SLC6A4: variants seen among roughly 807,000 people sequenced by gnomAD.
The protein encoded by SLC6A4 is sodium-dependent serotonin transporter.
In SLC6A4, 22 loss-of-function variants were observed where a neutral mutation model predicts 73.4. The ratio of observed to expected loss-of-function variants is 0.30; its 90% CI spans 0.21 to 0.43. The LOEUF is 0.43. Ranked by LOEUF, SLC6A4 falls within the 20% of genes least tolerant of loss-of-function variation. SLC6A4 has a pLI of 1.00. For synonymous variants in SLC6A4, 270 were observed against 315.5 expected (o/e 0.86, Z 1.53); for missense variants, 593 against 808.5 (o/e 0.73, Z 3.23).
chr17:30,200,250 G>A (rs542365174), intron 14 of SLC6A4, among the ~76,000 whole-genome samples: 9 of 152,342 alleles, frequency 5.9e-5, no homozygotes, highest in African/African-American at 2.2e-4. Context: ...CCAGGCCCAC[G>A]TCTGTTTTCC....
chr17:30,225,516 C>A (rs1305081287), intron 1 of SLC6A4, among the ~76,000 whole-genome samples: 2 of 152,166 alleles, frequency 1.3e-5, no homozygotes, highest in Non-Finnish European at 2.9e-5. Context: ...TCTAAGCTTT[C>A]TTTTTTTAAA....
chr17:30,216,839 TTTTTTTTGTTTGTTTGTTTG>T (rs1369648776), intron 6 of SLC6A4, among the ~76,000 whole-genome samples: 14 of 129,920 alleles, frequency 1.1e-4, no homozygotes, highest in African/African-American at 3.6e-4. Flanking sequence ...TGGCTATTGT[TTTTTTTTGTTTGTTTGTTTG>T]TTTGTTTGTT....
intron 5 of SLC6A4, 124 bp downstream of exon 5, chr17:30,217,994 C>A: frequency 2.8e-6 from 2 of 719,740 alleles, no homozygotes; most frequent in Non-Finnish European, 2.4e-6. Context: ...TACTCCCACC[C>A]CTGATAGCTT....
At chr17:30,207,976 C>T (rs565249843) in intron 12 of SLC6A4, 144 bp from the exon 13 acceptor site, 31 of 623,126 alleles carry the variant, frequency 5.0e-5, no homozygotes, top group African/African-American at 3.6e-4. Context: ...ATTCCTACCC[C>T]GGACACACAG....
At chr17:30,216,367 AG>A (rs1906575277) in intron 6 of SLC6A4, 151 bp from the exon 7 acceptor site, 1 of 580,240 alleles carries the variant, frequency 1.7e-6, no homozygotes, top group African/African-American at 1.9e-5. Flanking sequence ...TTGAGAAAGG[AG>A]GGCGAGGTGG....
chr17:30,219,015 C>T (rs565119056), intron 3 of SLC6A4, 84 bp from the exon 4 acceptor site: 410 of 1,547,710 alleles, frequency 2.6e-4, no homozygotes, highest in Non-Finnish European at 3.5e-4. Flanking sequence ...GAATCACAGT[C>T]GCCGGATGAT....
chr17:30,232,677 A>G (rs1157850628), intron 1 of SLC6A4, among the ~76,000 whole-genome samples: 2 of 152,222 alleles, frequency 1.3e-5, no homozygotes, highest in Non-Finnish European at 2.9e-5. Context: ...AGACTGCCTC[A>G]CATCCACTTT....
At chr17:30,220,229 C>T (rs1040878976) in intron 3 of SLC6A4, among the ~76,000 whole-genome samples, 3 of 152,166 alleles carry the variant, frequency 2.0e-5, no homozygotes, top group Non-Finnish European at 4.4e-5. Flanking sequence ...ATCCCCAAAC[C>T]TCTTTGTAGC....
intron 5 of SLC6A4, among the ~76,000 whole-genome samples, 159 bp from the exon 6 acceptor site, chr17:30,217,463 T>G (rs1906613656): frequency 6.6e-6 from 1 of 152,232 alleles, no homozygotes; most frequent in African/African-American, 2.4e-5. Context: ...TGGCCCTGCC[T>G]GTCCTGAAGG....
rs1906564330 is a variant in SLC6A4 at position 30,216,132 on chromosome 17, C to T, written c.922G>A (p.Gly308Ser). 1 of 1,613,292 alleles carries T rather than the reference C, an allele frequency of 6.2e-7. No homozygotes were observed. The change falls in exon 7 of 15, where the codon GGT becomes AGT. Residue 308 changes from glycine (G) to serine (S), a missense_variant. Physicochemically the swap from Gly to Ser is moderately conservative, Grantham distance 56. Coordinates refer to ENST00000650711, the MANE Select transcript of SLC6A4 (RefSeq NM_001045.6). ...TTGGGTTTCAAGTAGAAGAGAACAC[C>T]CCTCCAGGCTCCAGGGAGGGTGGCA... ...RGATLPGAWR[G>S]VLFYLKPNWQ...
intron 1 of SLC6A4, among the ~76,000 whole-genome samples, chr17:30,228,558 G>T (rs1432448650): frequency 6.6e-6 from 1 of 152,164 alleles, no homozygotes; most frequent in African/African-American, 2.4e-5. Flanking sequence ...CTCCTGGGCT[G>T]CTCTCCCAGA....
intron 1 of SLC6A4, among the ~76,000 whole-genome samples, chr17:30,227,096 C>A (rs1298984320): frequency 6.6e-6 from 1 of 152,198 alleles, no homozygotes; most frequent in Admixed American, 6.5e-5. Context: ...CCACAGTTGC[C>A]CCCAGGCTTT....
At position 30,198,022 on chromosome 17, in the gene SLC6A4, G is replaced by A. The variant is rs1255767454; in HGVS notation, c.*434C>T. The A allele has an allele frequency of 6.0e-6, 1 of 165,412 alleles. No homozygotes were observed. The highest frequency in any genetic ancestry group is 1.7e-4 in the East Asian group (1 of 6,012). The allele number at this position is 165,412 out of a possible 1,614,324, so 10.2% of individuals were successfully genotyped here. ...ATGCTACTCAGAAAATATATGGCTA[G>A]CGAGATAGCATCCCTGTTCTCTCCT... On this transcript the variant is annotated 3_prime_UTR_variant, in exon 15 of 15. Transcript: ENST00000650711.
intron 11 of SLC6A4, 39 bp from the exon 12 acceptor site, chr17:30,209,281 G>A: frequency 7.7e-7 from 1 of 1,301,410 alleles, no homozygotes; most frequent in Non-Finnish European, 1.1e-6. Flanking sequence ...GGCCCTCCAA[G>A]GAGCCACCCC....
At chr17:30,226,191 G>A (rs1375224915) in intron 1 of SLC6A4, among the ~76,000 whole-genome samples, 2 of 152,238 alleles carry the variant, frequency 1.3e-5, no homozygotes, top group Non-Finnish European at 2.9e-5. Context: ...GTTTAACGTT[G>A]AGATAGGATT....
At chr17:30,200,337 A>G (rs1905994558) in intron 14 of SLC6A4, among the ~76,000 whole-genome samples, 1 of 152,228 alleles carries the variant, frequency 6.6e-6, no homozygotes, top group East Asian at 1.9e-4. Flanking sequence ...CTTCTGCAAG[A>G]TGATAACAAG....
Position 30,230,095 on chromosome 17 carries a change from A to AGAAGAAGAG in SLC6A4, c.-221+5517_-221+5518insCTCTTCTTC, listed in dbSNP as rs1288713816. Among the ~76,000 whole-genome samples, 28 of 118,292 alleles carry AGAAGAAGAG rather than the reference A, an allele frequency of 2.4e-4. No individual in the cohort carries two copies. The South Asian group carries it at 3.0e-3, about 13-fold the overall frequency. 77.6% of individuals were successfully genotyped at this position (118,292 alleles called of 152,430 possible). A position where few individuals can be genotyped will look rare whatever the true frequency, so the allele number is the denominator to read the frequency against. The stretch of plus-strand genomic sequence containing the variant: ...AAGAAGAAGAAGAAGAAGAAGAAGA[A>AGAAGAAGAG]GAGGAGGAAGAGGAAGAGGAAGAGG... On this transcript the variant is annotated intron_variant, in intron 1 of 14. Transcript: ENST00000650711.
chr17:30,231,381 A>T (rs930899892), intron 1 of SLC6A4, among the ~76,000 whole-genome samples: 1 of 151,446 alleles, frequency 6.6e-6, no homozygotes, highest in Non-Finnish European at 1.5e-5. Flanking sequence ...TTATATATAC[A>T]TATAGTGTAT....
At chr17:30,200,506 T>C (rs762704199) in intron 14 of SLC6A4, among the ~76,000 whole-genome samples, 14 of 152,194 alleles carry the variant, frequency 9.2e-5, no homozygotes, top group Non-Finnish European at 2.1e-4. Context: ...TGGGTGTGTA[T>C]GGTACCCTTC....
Sources: allele counts gnomAD v4.1 joint callset (sites outside exome capture counted in the v4.1 genomes callset), GRCh38; gene constraint gnomAD v4.1.1; transcripts MANE v1.5; gene names NCBI Gene and HGNC (gene_info 2026-07-23, HGNC 2026-07-21).